The following ATAD2B variants were observed in gnomAD, a reference collection of about 807,000 sequenced individuals.
ATAD2B encodes the protein ATPase family AAA domain-containing protein 2B.
ATAD2B carries 40 observed loss-of-function variants against 167.6 expected under a neutral mutation model. The observed-to-expected ratio is 0.24, with a 90% CI of 0.19 to 0.31. The LOEUF is 0.31. Among genes scored for constraint, ATAD2B ranks in the 10% least tolerant of loss-of-function variants. The pLI is 1.00. For synonymous variants in ATAD2B, 579 were observed against 596.5 expected, an observed-to-expected ratio of 0.97 and a Z score of 0.43; for missense variants, 1,242 against 1,757.2, an observed-to-expected ratio of 0.71 and a Z score of 5.24.
chr2:23,814,574 T>C (rs190779931), intron 17 of ATAD2B, among the ~76,000 whole-genome samples: 1 of 152,270 alleles, frequency 6.6e-6, no homozygotes, highest in East Asian at 1.9e-4. Flanking sequence ...GGACCAACAG[T>C]TAAAAAGAAC....
At position 23,875,863 on chromosome 2, in the gene ATAD2B, T is replaced by C; in HGVS notation, c.943A>G (p.Ile315Val). 1 of 1,610,766 alleles carries C rather than the reference T, an allele frequency of 6.2e-7. No homozygotes were observed. Among genetic ancestry groups the C allele is most frequent in the Non-Finnish European group, 8.5e-7 (1 of 1,178,256 alleles). Residue 315 changes from isoleucine (I) to valine (V), a missense_variant, in exon 8 of 28, where the codon ATT becomes GTT. Coordinates refer to ENST00000238789, the MANE Select transcript of ATAD2B (RefSeq NM_017552.4). ...CTTCTTCTTGCTGGAGATCTATGAATATCAAACAGCGTGTTTTCCCTCTTT... is the reference window on the plus strand; with the variant it reads ...CTTCTTCTTGCTGGAGATCTATGAACATCAAACAGCGTGTTTTCCCTCTTT... ...QKKRENTLFDIHRSPARRSHI... is the reference protein window; with the variant it reads ...QKKRENTLFDVHRSPARRSHI...
the ATAD2B span, among the ~76,000 whole-genome samples, chr2:23,739,316 C>A: frequency 2.0e-5 from 3 of 152,112 alleles, no homozygotes; most frequent in South Asian, 4.1e-4. Context: ...CACTCCTCAG[C>A]AAATGTAAAA....
chr2:23,868,007 A>G (rs1194889214), intron 9 of ATAD2B, 61 bp from the exon 10 acceptor site: 4 of 1,078,492 alleles, frequency 3.7e-6, no homozygotes, highest in Non-Finnish European at 4.2e-6. Context: ...TAATGTCAAA[A>G]TAAGTTTACA....
chr2:23,738,987 CAAG>C, the ATAD2B span, among the ~76,000 whole-genome samples: 3 of 152,164 alleles, frequency 2.0e-5, no homozygotes, highest in Non-Finnish European at 4.4e-5. Flanking sequence ...ATCAATTCAA[CAAG>C]AAGAACTAAC....
At chr2:23,852,301 T>C (rs1692691750) in intron 13 of ATAD2B, among the ~76,000 whole-genome samples, 1 of 152,142 alleles carries the variant, frequency 6.6e-6, no homozygotes, top group Non-Finnish European at 1.5e-5. Context: ...TCATCTTTTT[T>C]TTTTTAAGAG....
At chr2:23,879,395 G>A (rs1046727104) in intron 7 of ATAD2B, among the ~76,000 whole-genome samples, 2 of 151,840 alleles carry the variant, frequency 1.3e-5, no homozygotes, top group African/African-American at 2.4e-5. Context: ...ATCCCTTCAG[G>A]CCAGGAGTTC....
At chr2:23,816,243 T>A (rs927397532) in intron 17 of ATAD2B, among the ~76,000 whole-genome samples, 5 of 152,168 alleles carry the variant, frequency 3.3e-5, no homozygotes, top group Admixed American at 1.3e-4. Flanking sequence ...AATTTAACAA[T>A]CTGTGTCAAC....
At chr2:23,733,889 T>C in the ATAD2B span, among the ~76,000 whole-genome samples, 1 of 152,222 alleles carries the variant, frequency 6.6e-6, no homozygotes, top group Non-Finnish European at 1.5e-5. Flanking sequence ...AATGCTACTT[T>C]CTTCCTTACT....
chr2:23,924,783 T>C (rs541492932), intron 1 of ATAD2B, among the ~76,000 whole-genome samples: 6 of 152,376 alleles, frequency 3.9e-5, no homozygotes, highest in Admixed American at 3.3e-4. Context: ...TTCATTCTTT[T>C]AGCAATTTAA....
intron 22 of ATAD2B, among the ~76,000 whole-genome samples, chr2:23,780,208 G>A (rs566994713): frequency 1.3e-4 from 20 of 151,396 alleles, no homozygotes; most frequent in African/African-American, 3.9e-4. Flanking sequence ...AGGTCACACC[G>A]CTGCACTCCA....
At chr2:23,773,992 G>A (rs1678722609) in intron 22 of ATAD2B, among the ~76,000 whole-genome samples, 1 of 152,060 alleles carries the variant, frequency 6.6e-6, no homozygotes, top group South Asian at 2.1e-4. Context: ...TCACTGTGTT[G>A]ATGTTTCTTT....
the ATAD2B span, chr2:23,693,262 C>T: frequency 6.5e-7 from 1 of 1,539,808 alleles, no homozygotes; most frequent in East Asian, 2.5e-5. Context: ...TGCGCTGTCG[C>T]CCCCAGAGAA....
At chr2:23,742,092 T>C in the ATAD2B span, among the ~76,000 whole-genome samples, 1 of 152,146 alleles carries the variant, frequency 6.6e-6, no homozygotes, top group East Asian at 1.9e-4. Flanking sequence ...AGGAACACTT[T>C]TACACTGTTG....
At chr2:23,691,682 A>T in the ATAD2B span, 11 of 1,551,720 alleles carry the variant, frequency 7.1e-6, no homozygotes, top group Non-Finnish European at 9.6e-6. Context: ...AGGTCCGTGC[A>T]AGACAGCGGC....
At chr2:23,747,249 T>C (rs1192411224), downstream of ATAD2B, among the ~76,000 whole-genome samples, 1 of 151,844 alleles carries the variant, frequency 6.6e-6, no homozygotes, top group East Asian at 1.9e-4. Flanking sequence ...ACTTACTATG[T>C]AATGCAGTAC....
chr2:23,780,268 TG>T (rs1679815355), intron 22 of ATAD2B, among the ~76,000 whole-genome samples: 1 of 6,116 alleles, frequency 1.6e-4, no homozygotes, highest in Non-Finnish European at 2.9e-4. Context: ...AGTATATACT[TG>T]TGTGTGTGTG....
intron 7 of ATAD2B, among the ~76,000 whole-genome samples, chr2:23,876,360 G>A (rs1057321933): frequency 6.6e-6 from 1 of 150,852 alleles, no homozygotes; most frequent in South Asian, 2.1e-4. Context: ...GGAGTGCAGT[G>A]GCGCGATCTC....
intron 13 of ATAD2B, among the ~76,000 whole-genome samples, chr2:23,845,255 A>G (rs1386418130): frequency 6.6e-6 from 1 of 152,198 alleles, no homozygotes; most frequent in Non-Finnish European, 1.5e-5. Flanking sequence ...CTACACAAAC[A>G]TTTGCATTGA....
intron 18 of ATAD2B, among the ~76,000 whole-genome samples, chr2:23,799,482 A>T (rs939182340): frequency 4.7e-5 from 7 of 149,796 alleles, no homozygotes; most frequent in Non-Finnish European, 1.0e-4. Context: ...CTGAGGCAGG[A>T]GAATCACTTG....
Sources: allele counts gnomAD v4.1 joint callset (sites outside exome capture counted in the v4.1 genomes callset), GRCh38; gene constraint gnomAD v4.1.1; transcripts MANE v1.5; gene names NCBI Gene and HGNC (gene_info 2026-07-23, HGNC 2026-07-21).